EDAR: variants seen among roughly 807,000 people sequenced by gnomAD.
EDAR encodes tumor necrosis factor receptor superfamily member EDAR.
A neutral mutation model predicts 51.3 loss-of-function variants in EDAR; 38 were observed. The observed-to-expected ratio is 0.74, with a 90% CI of 0.57 to 0.97. The LOEUF (loss-of-function observed/expected upper bound fraction) is 0.97, where lower values mean the gene tolerates loss of function less well. EDAR is among the 50% of genes least tolerant of loss of function. The pLI, the probability that EDAR is intolerant of heterozygous loss-of-function variation, is 0.00. For missense variants in EDAR, 528 were observed against 595.0 expected (o/e 0.89, Z 1.17); for synonymous variants, 227 against 242.1 (o/e 0.94, Z 0.58).
intron 10 of EDAR, 81 bp from the exon 11 acceptor site, chr2:108,906,449 C>T: frequency 6.9e-7 from 1 of 1,458,482 alleles, no homozygotes; most frequent in Non-Finnish European, 9.6e-7. Flanking sequence ...TCAGCAGGGG[C>T]AGGCAGCAGC....
At chr2:108,901,268 A>C (rs1377581467) in intron 11 of EDAR, among the ~76,000 whole-genome samples, 4 of 152,234 alleles carry the variant, frequency 2.6e-5, no homozygotes, top group African/African-American at 9.6e-5. Flanking sequence ...TCTCAAAGAC[A>C]ATTTAAAAAT....
rs76884931 is a variant in EDAR, at chr2:108,976,003, T to C, written c.-19+12957A>G. 4.4e-3 allele frequency among the ~76,000 whole-genome samples: 663 copies of C among 152,286 alleles called. 10 individuals carry two copies. Among genetic ancestry groups the C allele is most frequent in the African/African-American group, 0.015 (631 of 41,564 alleles). ...AGTGTTCCCGGGGACCCCACACCAG[T>C]TTTCCTTTTAGGATCTTACATGATG... On this transcript the variant is annotated intron_variant, in intron 1 of 11. Coordinates refer to ENST00000258443, the MANE Select transcript of EDAR (RefSeq NM_022336.4).
At chr2:108,972,969 A>AT (rs1262573908) in intron 1 of EDAR, among the ~76,000 whole-genome samples, 1 of 151,926 alleles carries the variant, frequency 6.6e-6, no homozygotes, top group Non-Finnish European at 1.5e-5. Context: ...GCAGGTGTTT[A>AT]TTTTTTTATT....
At chr2:108,963,974 T>TCAGCTGAGG (rs1698102155) in intron 1 of EDAR, among the ~76,000 whole-genome samples, 1 of 152,200 alleles carries the variant, frequency 6.6e-6, no homozygotes, top group Non-Finnish European at 1.5e-5. Context: ...TCCTCAACCA[T>TCAGCTGAGG]CAGCTGAGGC....
chr2:108,938,620 A>G (rs997575818), intron 1 of EDAR, among the ~76,000 whole-genome samples: 12 of 152,192 alleles, frequency 7.9e-5, no homozygotes, highest in African/African-American at 2.9e-4. Flanking sequence ...TCAGAGCTGA[A>G]AGGATCTTGT....
At chr2:108,929,566 T>C (rs956195989) in intron 3 of EDAR, among the ~76,000 whole-genome samples, 187 bp from the exon 4 acceptor site, 1 of 152,174 alleles carries the variant, frequency 6.6e-6, no homozygotes, top group African/African-American at 2.4e-5. Context: ...GGCTTGCCCC[T>C]CTCCTCGCCA....
intron 1 of EDAR, among the ~76,000 whole-genome samples, chr2:108,961,253 G>A (rs771554216): frequency 4.7e-4 from 71 of 151,828 alleles, no homozygotes; most frequent in Non-Finnish European, 9.7e-4. Context: ...TCAGGAAAGG[G>A]AACAGTTGCC....
At chr2:108,923,637 G>A (rs1050996962) in intron 4 of EDAR, among the ~76,000 whole-genome samples, 184 bp from the exon 5 acceptor site, 1 of 152,234 alleles carries the variant, frequency 6.6e-6, no homozygotes, top group African/African-American at 2.4e-5. Flanking sequence ...TCTTGAAATG[G>A]AGCATTCTTT....
intron 1 of EDAR, among the ~76,000 whole-genome samples, chr2:108,981,542 G>A (rs556871848): frequency 6.6e-6 from 1 of 152,292 alleles, no homozygotes; most frequent in East Asian, 1.9e-4. Flanking sequence ...TCCAGGATCC[G>A]GGGCTAGCCA....
rs200168149 is a variant in EDAR, at chr2:108,895,250, A to AGAT, written c.*1654_*1656dup. On this transcript the variant is annotated 3_prime_UTR_variant, in exon 12 of 12. Coordinates refer to ENST00000258443, the MANE Select transcript of EDAR (RefSeq NM_022336.4). The stretch of plus-strand genomic sequence containing the variant: ...GTGGGAAATTGCTTGTTGGTGTTAA[A>AGAT]GATATGACTGATTTTCCCCCTAAAG... The AGAT allele has an allele frequency of 6.3e-3, 960 of 152,760 alleles. 9 individuals carry two copies. The highest frequency in any genetic ancestry group is 6.7e-3 in the Non-Finnish European group (453 of 68,038). The allele number at this position is 152,760 out of a possible 1,614,324, so 9.5% of individuals were successfully genotyped here.
chr2:108,947,736 G>A (rs1558826338), intron 1 of EDAR, among the ~76,000 whole-genome samples: 5 of 152,060 alleles, frequency 3.3e-5, no homozygotes, highest in Admixed American at 2.0e-4. Context: ...GGCTGCACAG[G>A]GCCCATGAAA....
At chr2:108,933,575 T>C (rs1482654889) in intron 1 of EDAR, among the ~76,000 whole-genome samples, 1 of 152,228 alleles carries the variant, frequency 6.6e-6, no homozygotes, top group Non-Finnish European at 1.5e-5. Context: ...GGAAGAGTTC[T>C]GTTTCCAGAC....
chr2:108,916,678 G>A (rs1428680261), intron 5 of EDAR, among the ~76,000 whole-genome samples: 1 of 152,146 alleles, frequency 6.6e-6, no homozygotes, highest in East Asian at 1.9e-4. Flanking sequence ...TGAGAGAAAT[G>A]CTTGCTCTGA....
chr2:108,983,432 C>T (rs571577635), intron 1 of EDAR, among the ~76,000 whole-genome samples: 1 of 152,294 alleles, frequency 6.6e-6, no homozygotes, highest in East Asian at 1.9e-4. Context: ...AACCATAAAA[C>T]CACATCTAAC....
intron 1 of EDAR, among the ~76,000 whole-genome samples, chr2:108,946,445 A>G (rs1349477773): frequency 1.3e-5 from 2 of 152,242 alleles, no homozygotes; most frequent in Non-Finnish European, 2.9e-5. Context: ...TGGCAGCACC[A>G]AACAATTCTT....
chr2:108,908,060 G>C, intron 9 of EDAR, 41 bp from the exon 10 acceptor site: 1 of 1,571,338 alleles, frequency 6.4e-7, no homozygotes, highest in Non-Finnish European at 8.7e-7. Flanking sequence ...GTGCCTGGGG[G>C]GGCTGCAGCC....
intron 5 of EDAR, 29 bp downstream of exon 5, chr2:108,923,339 C>T (rs201033204): frequency 4.0e-4 from 645 of 1,605,098 alleles, no homozygotes; most frequent in Admixed American, 6.0e-4. Context: ...GAACAAATAC[C>T]GTGCTGGTGG....
intron 5 of EDAR, among the ~76,000 whole-genome samples, chr2:108,920,079 G>A (rs1285274068): frequency 6.6e-6 from 1 of 152,236 alleles, no homozygotes; most frequent in Non-Finnish European, 1.5e-5. Flanking sequence ...GTCCTCATCT[G>A]AATCTCTTTC....
rs1373406362 is a variant in EDAR at position 108,929,365 on chromosome 2, G to A, written c.189C>T (p.Gly63=). 3 of 1,613,994 alleles carry A rather than the reference G, an allele frequency of 1.9e-6. No homozygotes were observed. The highest frequency in any genetic ancestry group is 1.7e-5 in the Admixed American group (1 of 60,014). Residue 63 remains glycine, a synonymous_variant, in exon 4 of 12, where the codon GGC becomes GGT. Transcript: ENST00000258443. ...CGCAGCCGTAGTCCTCGTCTTTGGTGCCGTAGCCACAGGACTGTCCAGGGA... is the reference window on the plus strand; with the variant it reads ...CGCAGCCGTAGTCCTCGTCTTTGGTACCGTAGCCACAGGACTGTCCAGGGA... ...GEEPYLSCGY[G]TKDEDYGCVP...
Sources: allele counts gnomAD v4.1 joint callset (sites outside exome capture counted in the v4.1 genomes callset), GRCh38; gene constraint gnomAD v4.1.1; transcripts MANE v1.5; gene names NCBI Gene and HGNC (gene_info 2026-07-23, HGNC 2026-07-21).